LRP1B: variants seen among roughly 807,000 people sequenced by gnomAD.
The protein encoded by LRP1B is LDL receptor related protein 1B.
A neutral mutation model predicts 556.6 loss-of-function variants in LRP1B; 217 were observed. That is an observed-to-expected ratio of 0.39 (90% CI 0.35 to 0.44). The LOEUF (loss-of-function observed/expected upper bound fraction) is 0.44, where lower values mean the gene tolerates loss of function less well. Ranked by LOEUF, LRP1B falls within the 20% of genes least tolerant of loss-of-function variation. The pLI is 1.00. For synonymous variants in LRP1B, 2,047 were observed against 1,865.8 expected (o/e 1.10, Z -2.50); for missense variants, 5,053 against 5,620.8 (o/e 0.90, Z 3.23).
chr2:140,908,397 G>T (rs1026990342), intron 21 of LRP1B, among the ~76,000 whole-genome samples: 4 of 142,588 alleles, frequency 2.8e-5, no homozygotes, highest in African/African-American at 1.0e-4. Context: ...TATATAAAAA[G>T]AAGGTTTCTG....
At chr2:141,301,329 T>C (rs1686389068) in intron 3 of LRP1B, among the ~76,000 whole-genome samples, 1 of 152,182 alleles carries the variant, frequency 6.6e-6, no homozygotes, top group African/African-American at 2.4e-5. Context: ...TTACAAGTTA[T>C]GGCTATGGTA....
intron 31 of LRP1B, among the ~76,000 whole-genome samples, chr2:140,824,993 C>A (rs1009066063): frequency 2.0e-5 from 3 of 152,096 alleles, no homozygotes; most frequent in Admixed American, 6.5e-5. Flanking sequence ...CGGTCCCTAG[C>A]TTTGTGGTGC....
intron 3 of LRP1B, among the ~76,000 whole-genome samples, chr2:141,263,652 T>C (rs1010629761): frequency 2.6e-5 from 4 of 152,110 alleles, no homozygotes; most frequent in Non-Finnish European, 4.4e-5. Context: ...TTCCAACTAA[T>C]TTATGAGGCT....
intron 1 of LRP1B, among the ~76,000 whole-genome samples, chr2:141,978,621 G>A (rs1701955040): frequency 6.6e-6 from 1 of 151,876 alleles, no homozygotes; most frequent in African/African-American, 2.4e-5. Flanking sequence ...GAAGCTTCCA[G>A]AGCCATTAAT....
chr2:141,486,427 A>G (rs1454766971), intron 2 of LRP1B, among the ~76,000 whole-genome samples: 1 of 152,158 alleles, frequency 6.6e-6, no homozygotes, highest in Non-Finnish European at 1.5e-5. Context: ...GGGATAATAA[A>G]GGACATAAGT....
Position 140,598,705 on chromosome 2 carries a change from C to T in LRP1B, c.7120G>A (p.Ala2374Thr), listed in dbSNP as rs1373805036. 1.2e-6 allele frequency: 2 copies of T among 1,613,764 alleles called. No homozygotes were observed. Among genetic ancestry groups the T allele is most frequent in the Non-Finnish European group, 1.7e-6 (2 of 1,179,794 alleles). Residue 2374 changes from alanine (A) to threonine (T), a missense_variant, in exon 43 of 91, where the codon GCA becomes ACA. Physicochemically the swap from Ala to Thr is moderately conservative, Grantham distance 58. This residue lies in a region of LRP1B where 3,619 missense variants were observed against 3,931.9 expected (regional missense o/e 0.92). Coordinates refer to ENST00000389484, the MANE Select transcript of LRP1B (RefSeq NM_018557.3). ...CCATCTGAGAAATACAGCTTCTCTG[C>T]ACGGTAGTCGATAGTAAGTCCATTT... ...TPNGLTIDYR[A>T]EKLYFSDGSL...
chr2:141,737,450 C>A (rs1898422), intron 2 of LRP1B, among the ~76,000 whole-genome samples: 39,520 of 152,108 alleles, frequency 0.26, 6,562 homozygotes, highest in African/African-American at 0.47. Context: ...GCTTCTTAAA[C>A]AAGAGCTGCA....
At chr2:141,502,790 C>T (rs187881398) in intron 2 of LRP1B, among the ~76,000 whole-genome samples, 125 of 149,922 alleles carry the variant, frequency 8.3e-4, no homozygotes, top group African/African-American at 2.8e-3. Context: ...ACCCGGGAGG[C>T]GGAGGTTGTA....
chr2:141,007,054 T>A (rs969402061), intron 14 of LRP1B, among the ~76,000 whole-genome samples: 1 of 151,852 alleles, frequency 6.6e-6, no homozygotes, highest in African/African-American at 2.4e-5. Context: ...AAAGCATCAA[T>A]AAATAACATT....
At chr2:141,047,942 GAATAT>G (rs1698925716) in intron 11 of LRP1B, among the ~76,000 whole-genome samples, 2 of 152,024 alleles carry the variant, frequency 1.3e-5, no homozygotes, top group African/African-American at 4.8e-5. Context: ...TGCTTCCTGT[GAATAT>G]CCATTACATA....
At chr2:141,775,024 T>G (rs1695017766) in intron 2 of LRP1B, among the ~76,000 whole-genome samples, 1 of 152,246 alleles carries the variant, frequency 6.6e-6, no homozygotes, top group Non-Finnish European at 1.5e-5. Context: ...CATTTTGGTT[T>G]GTGCTAGCTT....
At chr2:141,871,762 A>T (rs1698595204) in intron 1 of LRP1B, among the ~76,000 whole-genome samples, 1 of 151,972 alleles carries the variant, frequency 6.6e-6, no homozygotes, top group Non-Finnish European at 1.5e-5. Flanking sequence ...TAGTTTATGC[A>T]GGGCAATAGA....
rs1407766770 is a variant in LRP1B, at chr2:140,840,928, G to C, written c.5104C>G (p.Pro1702Ala). The change falls in exon 30 of 91, where the codon CCA becomes GCA. Residue 1702 changes from proline (P) to alanine (A), a missense_variant. Physicochemically the swap from Pro to Ala is conservative, Grantham distance 27 (BLOSUM62 -1). Around this residue, in one of 5 missense-constraint regions of LRP1B, gnomAD observed 3,619 missense variants for 3,931.9 expected, o/e 0.92. Coordinates refer to ENST00000389484, the MANE Select transcript of LRP1B (RefSeq NM_018557.3). Reference protein sequence around the residue: ...IDKPQCLAAHPVRGKLYWTDG... With the variant: ...IDKPQCLAAHAVRGKLYWTDG... ...AAAATCATACTTTACCCCCTGACTG[G>C]GTGAGCTGCAAGACACTGTGGCTTA... 1 of 1,603,014 alleles carries C rather than the reference G, an allele frequency of 6.2e-7. No individual in the cohort carries two copies. Among genetic ancestry groups the C allele is most frequent in the Admixed American group, 1.7e-5 (1 of 58,472 alleles).
At chr2:141,169,837 C>G (rs1467787629) in intron 7 of LRP1B, among the ~76,000 whole-genome samples, 3 of 145,674 alleles carry the variant, frequency 2.1e-5, no homozygotes, top group Non-Finnish European at 4.5e-5. Context: ...GAATTAAAAT[C>G]TGCTACTTTT....
intron 43 of LRP1B, among the ~76,000 whole-genome samples, chr2:140,547,174 A>T (rs1680372899): frequency 6.6e-6 from 1 of 152,096 alleles, no homozygotes; most frequent in African/African-American, 2.4e-5. Flanking sequence ...TCATGGAATG[A>T]GTTGTTGAAG....
chr2:141,590,614 G>T (rs188419771), intron 2 of LRP1B, among the ~76,000 whole-genome samples: 268 of 152,032 alleles, frequency 1.8e-3, no homozygotes, highest in Admixed American at 3.5e-3. Flanking sequence ...CCAGTTCCTC[G>T]CACTCATCAG....
chr2:141,194,126 C>T (rs1182798989), intron 6 of LRP1B, among the ~76,000 whole-genome samples: 1 of 152,070 alleles, frequency 6.6e-6, no homozygotes, highest in Non-Finnish European at 1.5e-5. Flanking sequence ...CTTTCATCGA[C>T]TGTAAATATT....
chr2:141,887,150 C>T (rs1382201734), intron 1 of LRP1B, among the ~76,000 whole-genome samples: 2 of 152,010 alleles, frequency 1.3e-5, no homozygotes, highest in Non-Finnish European at 1.5e-5. Context: ...CATGTGCCAC[C>T]ATGCCTTGCT....
intron 1 of LRP1B, among the ~76,000 whole-genome samples, chr2:142,078,991 G>A (rs1574660802): frequency 6.6e-6 from 1 of 152,108 alleles, no homozygotes; most frequent in East Asian, 1.9e-4. Context: ...ATACCTTATA[G>A]CTACTGATTG....
Sources: gnomAD v4.1 joint callset for allele counts (sites outside exome capture counted in the v4.1 genomes callset) on GRCh38, gnomAD v4.1.1 for gene constraint, gnomAD v4.1.1 regional missense constraint, MANE v1.5 for transcripts, NCBI Gene and HGNC (gene_info 2026-07-23, HGNC 2026-07-21) for gene names.